Variants in FRMD4A observed in about 807,000 individuals in gnomAD.
FRMD4A encodes FERM domain-containing protein 4A.
A neutral mutation model predicts 129.1 loss-of-function variants in FRMD4A; 29 were observed. The observed-to-expected ratio is 0.22, with a 90% CI of 0.17 to 0.31. The LOEUF is 0.31. Ranked by LOEUF, FRMD4A falls within the 10% of genes least tolerant of loss-of-function variation. The pLI is 1.00. For missense variants in FRMD4A, 1,272 were observed against 1,375.8 expected (o/e 0.92, Z 1.19); for synonymous variants, 634 against 571.6 (o/e 1.11, Z -1.56).
chr10:14,260,039 A>C (rs1844746223), intron 2 of FRMD4A, among the ~76,000 whole-genome samples: 1 of 150,326 alleles, frequency 6.7e-6, no homozygotes, highest in Non-Finnish European at 1.5e-5. Context: ...AAAAAAAAAA[A>C]ATCCCATCTC....
chr10:14,110,994 A>G (rs1837871099), intron 2 of FRMD4A, among the ~76,000 whole-genome samples: 1 of 152,208 alleles, frequency 6.6e-6, no homozygotes, highest in Non-Finnish European at 1.5e-5. Flanking sequence ...TTTTTAAGAA[A>G]TGTGAGAAAG....
At chr10:14,298,435 G>A (rs898736973) in intron 2 of FRMD4A, among the ~76,000 whole-genome samples, 2 of 152,122 alleles carry the variant, frequency 1.3e-5, no homozygotes, top group African/African-American at 4.8e-5. Context: ...TCTCTGTGTG[G>A]GGTAGGATCT....
chr10:14,198,310 G>T (rs74476128), intron 2 of FRMD4A, among the ~76,000 whole-genome samples: 3,421 of 152,300 alleles, frequency 0.022, 87 homozygotes, highest in East Asian at 0.086. Context: ...GACCTCATTG[G>T]GACATCGGGC....
intron 2 of FRMD4A, among the ~76,000 whole-genome samples, chr10:14,050,529 G>T (rs528630958): frequency 6.6e-6 from 1 of 152,158 alleles, no homozygotes; most frequent in South Asian, 2.1e-4. Flanking sequence ...AGTAAGATTG[G>T]CTCATAAGAT....
chr10:13,662,185 C>G (rs1049376544), intron 19 of FRMD4A, among the ~76,000 whole-genome samples: 1 of 152,212 alleles, frequency 6.6e-6, no homozygotes, highest in African/African-American at 2.4e-5. Flanking sequence ...AACCGCAGGG[C>G]TGGGATCTCT....
At chr10:14,155,469 C>T (rs562487699) in intron 2 of FRMD4A, among the ~76,000 whole-genome samples, 26 of 152,250 alleles carry the variant, frequency 1.7e-4, no homozygotes, top group Admixed American at 1.6e-3. Flanking sequence ...AATTAAAACT[C>T]CAGGGCTTAG....
intron 18 of FRMD4A, among the ~76,000 whole-genome samples, chr10:13,665,570 T>C (rs2082961453): frequency 6.6e-6 from 1 of 152,210 alleles, no homozygotes; most frequent in African/African-American, 2.4e-5. Context: ...TCCTAACCCA[T>C]GACTGGAGCT....
In FRMD4A at chr10:13,970,771, C is replaced by A. The variant is rs373327740; in HGVS notation, c.46-111859G>T. Among the ~76,000 whole-genome samples, 50 of 152,302 alleles carry A rather than the reference C, an allele frequency of 3.3e-4. No homozygotes were observed. The East Asian group carries it at 9.3e-3, about 28-fold the overall frequency. On this transcript the variant is annotated intron_variant, in intron 2 of 24. Transcript: ENST00000357447. ...GGGGCTGTCAGGACTGAAGTCTCCG[C>A]GGCCAGCAGGGACGTGGCTTAATGC...
intron 2 of FRMD4A, among the ~76,000 whole-genome samples, chr10:14,170,004 T>C (rs1841391902): frequency 6.6e-6 from 1 of 152,148 alleles, no homozygotes; most frequent in Non-Finnish European, 1.5e-5. Context: ...TGGAACACAG[T>C]GGATCATTCC....
chr10:13,656,965 G>T lies in FRMD4A; in HGVS notation c.2624C>A (p.Ala875Glu). The T allele has an allele frequency of 1.4e-5, 22 of 1,540,924 alleles. No homozygotes were observed. Among genetic ancestry groups the T allele is most frequent in the Non-Finnish European group, 1.9e-5 (22 of 1,151,074 alleles). ...CCAGCTCTCCTTGAACAGGCCGCCC[G>T]CCGTGTAGGAGTTGGACGTCTTGAA... ...AQFKTSNSYT[A>E]GGLFKESWRG... The change falls in exon 22 of 25, where the codon GCG becomes GAG. Residue 875 changes from alanine to glutamate, a missense_variant. Ala to Glu is a moderately radical substitution (Grantham distance 107). Transcript: ENST00000357447.
Position 14,299,771 on chromosome 10 carries a change from A to G in FRMD4A, c.45+30287T>C, listed in dbSNP as rs557987685. ...CCTGAAGGGAATTCAGAGGAGAGCC[A>G]CATGAATAATTAAGAGCCTAGAAGG... On this transcript the variant is annotated intron_variant, in intron 2 of 24. Transcript: ENST00000357447. Among the ~76,000 whole-genome samples, 388 of 152,306 alleles carry G rather than the reference A, an allele frequency of 2.5e-3. 1 individual carries two copies. The highest frequency in any genetic ancestry group is 8.8e-3 in the African/African-American group (364 of 41,554).
At chr10:13,890,843 G>T in intron 2 of FRMD4A, 4 of 985,240 alleles carry the variant, frequency 4.1e-6, no homozygotes, top group Non-Finnish European at 4.8e-6. Context: ...TTAAGAAGCC[G>T]TCGCCAGAGC....
intron 2 of FRMD4A, among the ~76,000 whole-genome samples, chr10:14,195,595 G>T (rs943642902): frequency 2.0e-5 from 3 of 152,196 alleles, no homozygotes; most frequent in African/African-American, 7.2e-5. Flanking sequence ...CATCAAGTCT[G>T]ACTCTTCGTG....
Position 14,270,784 on chromosome 10 carries a change from G to A in FRMD4A, c.45+59274C>T, listed in dbSNP as rs138369524. The stretch of plus-strand genomic sequence containing the variant: ...ATATACATAAGAGTGACGTTCCCAC[G>A]GTACGTTTCGGGTCACAAAAACATC... On this transcript the variant is annotated intron_variant, in intron 2 of 24. Coordinates refer to ENST00000357447, the MANE Select transcript of FRMD4A (RefSeq NM_018027.5). Among the ~76,000 whole-genome samples the A allele has an allele frequency of 1.2e-3, 189 of 152,182 alleles. 3 individuals carry two copies. Among genetic ancestry groups the A allele is most frequent in the Non-Finnish European group, 2.9e-4 (20 of 68,006 alleles).
chr10:14,221,384 A>C lies in FRMD4A; in HGVS notation c.45+108674T>G, dbSNP rs1843254886. 2.0e-5 allele frequency among the ~76,000 whole-genome samples: 3 copies of C among 152,188 alleles called. No individual in the cohort carries two copies. In the South Asian group the frequency reaches 6.2e-4, roughly 31 times the overall value. ...GATGTGGCCTAATTTCATAGCCTGG[A>C]GAATCAAGAAAATTCAGCTCAGGAG... On this transcript the variant is annotated intron_variant, in intron 2 of 24. Transcript: ENST00000357447.
chr10:14,317,004 G>T (rs1369171466), intron 2 of FRMD4A, among the ~76,000 whole-genome samples: 2 of 152,194 alleles, frequency 1.3e-5, no homozygotes, highest in African/African-American at 4.8e-5. Context: ...CCTGGCATTA[G>T]TTCAAGTCCA....
chr10:14,059,301 G>A (rs1159819203), intron 2 of FRMD4A, among the ~76,000 whole-genome samples: 1 of 152,200 alleles, frequency 6.6e-6, no homozygotes, highest in African/African-American at 2.4e-5. Context: ...GAGACTATCT[G>A]CTCCTTCAAT....
intron 2 of FRMD4A, among the ~76,000 whole-genome samples, chr10:14,034,098 T>C (rs778803305): frequency 1.7e-4 from 26 of 152,196 alleles, no homozygotes; most frequent in Non-Finnish European, 2.8e-4. Flanking sequence ...GCAAGAGCTA[T>C]CTGTTATAAC....
At chr10:14,203,893 G>A (rs978451828) in intron 2 of FRMD4A, among the ~76,000 whole-genome samples, 3 of 152,108 alleles carry the variant, frequency 2.0e-5, no homozygotes, top group South Asian at 2.1e-4. Context: ...TCAGCCAATC[G>A]TTCTTCCTCT....
Sources: gnomAD v4.1 joint callset for allele counts (sites outside exome capture counted in the v4.1 genomes callset) on GRCh38, gnomAD v4.1.1 for gene constraint, MANE v1.5 for transcripts, NCBI Gene and HGNC (gene_info 2026-07-23, HGNC 2026-07-21) for gene names.